The following DNMBP variants were observed in gnomAD, a reference collection of about 807,000 sequenced individuals.
DNMBP encodes the protein dynamin binding protein.
In DNMBP, 87 loss-of-function variants were observed where a neutral mutation model predicts 150.0. The ratio of observed to expected loss-of-function variants is 0.58; its 90% confidence interval spans 0.49 to 0.69. DNMBP has a LOEUF of 0.69. Ranked by LOEUF, DNMBP falls within the 30% of genes least tolerant of loss-of-function variation. The pLI is 0.00. For missense variants in DNMBP, 1,774 were observed against 1,949.0 expected, an observed-to-expected ratio of 0.91 and a Z score of 1.69; for synonymous variants, 711 against 750.4, an observed-to-expected ratio of 0.95 and a Z score of 0.86.
At chr10:99,949,011 A>AATAAATGC (rs745521438) in intron 4 of DNMBP, among the ~76,000 whole-genome samples, 15 of 143,380 alleles carry the variant, frequency 1.0e-4, no homozygotes, top group Non-Finnish European at 2.3e-4. Flanking sequence ...TAAATAAATA[A>AATAAATGC]ATGCAGAGTT....
In DNMBP at chr10:99,884,100, T is replaced by G; in HGVS notation, c.3908A>C (p.Asp1303Ala). 6.2e-7 allele frequency: 1 copy of G among 1,614,144 alleles called. No individual in the cohort carries two copies. The highest frequency in any genetic ancestry group is 8.5e-7 in the Non-Finnish European group (1 of 1,180,032). Residue 1303 changes from aspartate (D) to alanine (A), a missense_variant, in exon 15 of 17, where the codon GAT becomes GCT. Asp to Ala is a moderately radical substitution (Grantham distance 126). Transcript: ENST00000324109. ...CAGGTCACCTTCCAAAAGTGAGACA[T>G]CCAAGTCTTGAGCAGCATTGAAGTT... Reference protein sequence around the residue: ...ERNFNAAQDLDVSLLEGDLVG... With the variant: ...ERNFNAAQDLAVSLLEGDLVG...
At chr10:99,906,758 A>C (rs775042551) in intron 6 of DNMBP, among the ~76,000 whole-genome samples, 45 of 152,176 alleles carry the variant, frequency 3.0e-4, no homozygotes, top group Non-Finnish European at 6.3e-4. Flanking sequence ...CAGGCCAACA[A>C]CTGACTCCAA....
Position 99,972,074 on chromosome 10 carries a change from T to C in DNMBP, c.51A>G (p.Val17=), listed in dbSNP as rs760850198. 1 of 1,614,020 alleles carries C rather than the reference T, an allele frequency of 6.2e-7. No homozygotes were observed. Among genetic ancestry groups the C allele is most frequent in the Non-Finnish European group, 8.5e-7 (1 of 1,179,984 alleles). The change falls in exon 2 of 17, where the codon GTA becomes GTG. Residue 17 remains valine, a synonymous_variant. Coordinates refer to ENST00000324109, the MANE Select transcript of DNMBP (RefSeq NM_015221.4). ...CCACAAAGAGCGGCAGTTCTTCTGA[T>C]ACGCTAGGGCAGAAGTCAAAAATGG... The part of the protein sequence containing the change: ...VRAIFDFCPS[V]SEELPLFVGD...
In DNMBP at chr10:99,955,382, TCCTCACCAGCACTAA is replaced by T; in HGVS notation, c.2077_2091del (p.Leu693_Arg697del). On this transcript the variant is annotated inframe_deletion, in exon 4 of 17. Coordinates refer to ENST00000324109, the MANE Select transcript of DNMBP (RefSeq NM_015221.4). ...TCCAAGTCCCGCTCCATTTCCTCAA[TCCTCACCAGCACTAA>T]GGGGCATGGGGAGGTCTGGTCCAGA... 6.2e-7 allele frequency: 1 copy of T among 1,614,174 alleles called. No homozygotes were observed. Among genetic ancestry groups the T allele is most frequent in the Non-Finnish European group, 8.5e-7 (1 of 1,180,032 alleles).
chr10:99,911,239 G>T (rs2039895412), intron 4 of DNMBP, among the ~76,000 whole-genome samples: 2 of 151,920 alleles, frequency 1.3e-5, no homozygotes, highest in South Asian at 4.2e-4. Context: ...ATCTGGCCAG[G>T]TGCAGTGGCT....
chr10:99,928,054 T>A (rs1235046390), intron 4 of DNMBP: 1 of 152,154 alleles, frequency 6.6e-6, no homozygotes. Context: ...AGTTATCCAG[T>A]CCCTATCATT....
chr10:99,931,764 C>G (rs775148025), intron 4 of DNMBP, among the ~76,000 whole-genome samples: 14 of 152,220 alleles, frequency 9.2e-5, no homozygotes, highest in Admixed American at 6.5e-5. Flanking sequence ...GTCCCTGCCT[C>G]TTACAATGCA....
intron 3 of DNMBP, among the ~76,000 whole-genome samples, chr10:99,961,348 T>A (rs1353603453): frequency 7.4e-6 from 1 of 134,252 alleles, no homozygotes; most frequent in Admixed American, 7.9e-5. Context: ...AATCATGGCT[T>A]ACTGCAGCCT....
At chr10:99,925,764 T>TATACAC (rs931660814) in intron 4 of DNMBP, among the ~76,000 whole-genome samples, 1 of 152,222 alleles carries the variant, frequency 6.6e-6, no homozygotes, top group East Asian at 1.9e-4. Context: ...CATTTATGTC[T>TATACAC]ATACACATAC....
Position 99,877,292 on chromosome 10 carries a change from C to CTCATTTGGGTTTCGTGCCT in DNMBP, c.4574_4592dup (p.Leu1532GlyfsTer6). ...GTTTCTGATTGGCTGACACGCTCAG[C>CTCATTTGGGTTTCGTGCCT]TCATTTGGGTTTCGTGCCTTGAAGG... On this transcript the variant is annotated stop_gained and frameshift_variant, in exon 17 of 17. Coordinates refer to ENST00000324109, the MANE Select transcript of DNMBP (RefSeq NM_015221.4). LOFTEE classifies it high-confidence loss of function. 6.2e-7 allele frequency: 1 copy of CTCATTTGGGTTTCGTGCCT among 1,613,816 alleles called. No individual in the cohort carries two copies. The highest frequency in any genetic ancestry group is 8.5e-7 in the Non-Finnish European group (1 of 1,179,938).
rs2040502961 is a variant in DNMBP, at chr10:99,956,827, T to G, written c.647A>C (p.Asn216Thr). The change falls in exon 4 of 17, where the codon AAT becomes ACT. Residue 216 changes from asparagine (N) to threonine (T), a missense_variant. Asn to Thr is a moderately conservative substitution (Grantham distance 65, BLOSUM62 0). Around this residue, in one of 2 missense-constraint regions of DNMBP, gnomAD observed 344 missense variants for 456.6 expected, o/e 0.75. Transcript: ENST00000324109. ...RTVDESVSSGNQDDCIVNGEV... is the reference protein window; with the variant it reads ...RTVDESVSSGTQDDCIVNGEV... ...ACCATTAACAATGCAGTCATCTTGA[T>G]TTCCAGAACTTACTGACTCATCCAC... The G allele has an allele frequency of 5.6e-6, 9 of 1,614,154 alleles. No individual in the cohort carries two copies. The highest frequency in any genetic ancestry group is 7.6e-6 in the Non-Finnish European group (9 of 1,180,024).
At chr10:99,902,620 A>T (rs925386523) in intron 6 of DNMBP, among the ~76,000 whole-genome samples, 1 of 40,622 alleles carries the variant, frequency 2.5e-5, no homozygotes, top group Non-Finnish European at 5.9e-5. Context: ...GCCTCCCTTT[A>T]AAAAAAAAAA....
chr10:99,967,234 T>TA (rs1564749324), intron 3 of DNMBP, among the ~76,000 whole-genome samples: 1 of 151,958 alleles, frequency 6.6e-6, no homozygotes, highest in Admixed American at 6.6e-5. Context: ...CCCTGTGTCT[T>TA]AAAAAATAAA....
rs554709653 is a variant in DNMBP, at chr10:99,899,828, T to C, written c.2702+91A>G. 39 of 1,365,244 alleles carry C rather than the reference T, an allele frequency of 2.9e-5. 1 individual carries two copies. The South Asian group carries it at 3.9e-4, about 14-fold the overall frequency. 84.6% of individuals were successfully genotyped at this position (1,365,244 alleles called of 1,614,324 possible). On this transcript the variant is annotated intron_variant, in intron 7 of 16. Transcript: ENST00000324109. ...TATCATGGATATCTTATGTTTAAAA[T>C]AAGATGTCATCATCAAGTCCAGGCA...
chr10:99,957,267 C>A, intron 3 of DNMBP, 62 bp from the exon 4 acceptor site: 1 of 1,417,660 alleles, frequency 7.1e-7, no homozygotes, highest in Non-Finnish European at 9.6e-7. Flanking sequence ...ATTATCACGA[C>A]TAATAGTGCA....
At chr10:99,978,542 A>G (rs1001327171) in intron 1 of DNMBP, among the ~76,000 whole-genome samples, 2 of 152,172 alleles carry the variant, frequency 1.3e-5, no homozygotes, top group African/African-American at 4.8e-5. Flanking sequence ...TCTGACATAT[A>G]TATCTTAACT....
intron 1 of DNMBP, among the ~76,000 whole-genome samples, chr10:99,978,613 C>T (rs1203914922): frequency 6.6e-6 from 1 of 152,142 alleles, no homozygotes; most frequent in African/African-American, 2.4e-5. Flanking sequence ...GACAGGGTCT[C>T]TGTCACCTAG....
intron 4 of DNMBP, among the ~76,000 whole-genome samples, chr10:99,913,056 A>G (rs2039919980): frequency 6.6e-6 from 1 of 151,984 alleles, no homozygotes; most frequent in South Asian, 2.1e-4. Flanking sequence ...GCGCTTTGGG[A>G]GTCTGAGGTG....
At chr10:100,008,797 C>T (rs12267155) in intron 1 of DNMBP, among the ~76,000 whole-genome samples, 2,837 of 152,164 alleles carry the variant, frequency 0.019, 90 homozygotes, top group African/African-American at 0.063. Flanking sequence ...AAGTAATAAA[C>T]GGAACACCAA....
Sources: gnomAD v4.1 joint callset for allele counts (sites outside exome capture counted in the v4.1 genomes callset) on GRCh38, gnomAD v4.1.1 for gene constraint, gnomAD v4.1.1 regional missense constraint, MANE v1.5 for transcripts, NCBI Gene and HGNC (gene_info 2026-07-23, HGNC 2026-07-21) for gene names.